Variants in SGCZ observed in about 807,000 individuals in gnomAD.
SGCZ encodes sarcoglycan zeta, also known as zeta-sarcoglycan.
SGCZ carries 40 observed loss-of-function variants against 41.3 expected under a neutral mutation model. That is an observed-to-expected ratio of 0.97 (90% confidence interval 0.75 to 1.26). The LOEUF (loss-of-function observed/expected upper bound fraction) is 1.26. SGCZ is among the 50% of genes most tolerant of loss of function. The probability of loss-of-function intolerance (pLI) is 0.00; values close to 1 mark genes in which losing one functional copy is unlikely to be tolerated. For synonymous variants in SGCZ, 206 were observed against 137.5 expected (o/e 1.50, Z -3.49); for missense variants, 552 against 369.8 (o/e 1.49, Z -4.04).
chr8:15,106,445 CT>C (rs1463945580), intron 1 of SGCZ, among the ~76,000 whole-genome samples: 1 of 151,922 alleles, frequency 6.6e-6, no homozygotes, highest in Non-Finnish European at 1.5e-5. Flanking sequence ...AAATTTTTCT[CT>C]TATAAGCTTT....
intron 3 of SGCZ, among the ~76,000 whole-genome samples, chr8:14,297,251 T>A (rs1801043867): frequency 6.6e-6 from 1 of 152,034 alleles, no homozygotes; most frequent in Non-Finnish European, 1.5e-5. Context: ...AATCTTATAA[T>A]TTGAGGATAT....
At chr8:14,198,092 A>G (rs1349449704) in intron 4 of SGCZ, among the ~76,000 whole-genome samples, 1 of 152,234 alleles carries the variant, frequency 6.6e-6, no homozygotes, top group Non-Finnish European at 1.5e-5. Context: ...TATTAAATGG[A>G]AAATTCCAGA....
At chr8:14,250,206 C>A (rs1011339262) in intron 3 of SGCZ, among the ~76,000 whole-genome samples, 1 of 152,130 alleles carries the variant, frequency 6.6e-6, no homozygotes, top group Non-Finnish European at 1.5e-5. Flanking sequence ...CAGCCAGAAC[C>A]TTTTAGATCT....
At chr8:14,707,433 G>C (rs997841212) in intron 1 of SGCZ, among the ~76,000 whole-genome samples, 3 of 151,990 alleles carry the variant, frequency 2.0e-5, no homozygotes, top group African/African-American at 4.8e-5. Context: ...CCAAAACAAG[G>C]AGAAAGAATA....
intron 3 of SGCZ, chr8:14,309,523 T>C: frequency 1.2e-6 from 2 of 1,609,958 alleles, no homozygotes; most frequent in Non-Finnish European, 1.7e-6. Flanking sequence ...TGTGGACTAC[T>C]GAATGTGAAA....
intron 4 of SGCZ, among the ~76,000 whole-genome samples, chr8:14,213,448 G>C (rs745416595): frequency 2.6e-5 from 4 of 151,982 alleles, no homozygotes; most frequent in Non-Finnish European, 5.9e-5. Flanking sequence ...TCTATATTTG[G>C]TAAAACTATC....
At chr8:14,311,375 C>T (rs938054702) in intron 3 of SGCZ, among the ~76,000 whole-genome samples, 1 of 152,100 alleles carries the variant, frequency 6.6e-6, no homozygotes, top group Non-Finnish European at 1.5e-5. Flanking sequence ...TGAAGTACTA[C>T]CATCCTGTCC....
intron 1 of SGCZ, among the ~76,000 whole-genome samples, chr8:14,602,530 CT>C (rs1805626545): frequency 6.6e-6 from 1 of 152,006 alleles, no homozygotes; most frequent in South Asian, 2.1e-4. Context: ...AGTGAAAAAA[CT>C]AATTAATTAA....
intron 1 of SGCZ, among the ~76,000 whole-genome samples, chr8:14,702,463 C>A (rs1563212442): frequency 6.6e-6 from 1 of 151,840 alleles, no homozygotes; most frequent in Non-Finnish European, 1.5e-5. Flanking sequence ...TCCCTCCAGC[C>A]AAAGCTCTGC....
chr8:14,250,350 A>G (rs867019966), intron 3 of SGCZ, among the ~76,000 whole-genome samples: 2 of 152,302 alleles, frequency 1.3e-5, no homozygotes, highest in Middle Eastern at 3.4e-3. Flanking sequence ...CCCAATTTCC[A>G]TGGGAAAGAC....
At chr8:14,590,946 T>A (rs1367724362) in intron 1 of SGCZ, among the ~76,000 whole-genome samples, 2 of 150,612 alleles carry the variant, frequency 1.3e-5, no homozygotes, top group African/African-American at 4.8e-5. Context: ...ATAATGTATA[T>A]AATGTCATAA....
intron 1 of SGCZ, among the ~76,000 whole-genome samples, chr8:15,118,665 G>C (rs1009631446): frequency 3.9e-5 from 6 of 152,094 alleles, no homozygotes; most frequent in Non-Finnish European, 7.3e-5. Flanking sequence ...GAGACCCTCT[G>C]ATCAGGAGTA....
chr8:14,157,009 G>A lies in SGCZ; in HGVS notation c.547+7571C>T, dbSNP rs117386687. Among the ~76,000 whole-genome samples the A allele has an allele frequency of 7.5e-3, 1,134 of 152,160 alleles. 3 individuals are homozygous for A. The highest frequency in any genetic ancestry group is 0.031 in the Middle Eastern group (9 of 294). On this transcript the variant is annotated intron_variant, in intron 5 of 7. Coordinates refer to ENST00000382080, the MANE Select transcript of SGCZ (RefSeq NM_139167.4). Reference sequence around the variant, plus strand: ...TATACTATAGTAAATACATAAATCAGTAACAGTATTTACTGTGATCAAGTA... The same window carrying A: ...TATACTATAGTAAATACATAAATCAATAACAGTATTTACTGTGATCAAGTA...
At position 14,905,713 on chromosome 8, in the gene SGCZ, T is replaced by C. The variant is rs970677105; in HGVS notation, c.39+331872A>G. On this transcript the variant is annotated intron_variant, in intron 1 of 7. Transcript: ENST00000382080. ...AGGAATACGTAAGTGAAGATATACA[T>C]AGGTAAAGATGTCATCAGAAGCTAT... Among the ~76,000 whole-genome samples, 5 of 151,546 alleles carry C rather than the reference T, an allele frequency of 3.3e-5. No homozygotes were observed. The East Asian group carries it at 9.7e-4, about 29-fold the overall frequency.
intron 1 of SGCZ, among the ~76,000 whole-genome samples, chr8:15,109,140 AT>A (rs1181867957): frequency 6.6e-6 from 1 of 152,192 alleles, no homozygotes; most frequent in African/African-American, 2.4e-5. Context: ...TAAAACAAAT[AT>A]TTGGTAAAAT....
intron 1 of SGCZ, among the ~76,000 whole-genome samples, chr8:14,873,156 C>T (rs1455189396): frequency 6.6e-6 from 1 of 151,986 alleles, no homozygotes; most frequent in African/African-American, 2.4e-5. Context: ...CAGTGGTGAA[C>T]ATAGTTATCA....
intron 1 of SGCZ, among the ~76,000 whole-genome samples, chr8:15,200,878 A>G (rs770293681): frequency 6.6e-6 from 1 of 152,210 alleles, no homozygotes; most frequent in African/African-American, 2.4e-5. Context: ...CTTGCATATC[A>G]TAGGAATTCT....
chr8:14,708,810 C>CAAGTGTGT, intron 1 of SGCZ, among the ~76,000 whole-genome samples: 1 of 62,574 alleles, frequency 1.6e-5, no homozygotes, highest in East Asian at 6.9e-4. Context: ...ATGTTTTATT[C>CAAGTGTGT]GAGTGTGTGT....
At chr8:14,630,205 T>C (rs940221834) in intron 1 of SGCZ, among the ~76,000 whole-genome samples, 1 of 151,446 alleles carries the variant, frequency 6.6e-6, no homozygotes, top group African/African-American at 2.4e-5. Context: ...GGCATACAAA[T>C]TCATCAAAGT....
Sources: gnomAD v4.1 joint callset for allele counts (sites outside exome capture counted in the v4.1 genomes callset) on GRCh38, gnomAD v4.1.1 for gene constraint, MANE v1.5 for transcripts, NCBI Gene and HGNC (gene_info 2026-07-23, HGNC 2026-07-21) for gene names.